The following PCDH11X variants were observed in gnomAD, a reference collection of about 807,000 sequenced individuals.
The protein encoded by PCDH11X is protocadherin-11 X-linked.
In PCDH11X, 18 loss-of-function variants were observed where a neutral mutation model predicts 53.3. The observed-to-expected ratio is 0.34, with a 90% CI of 0.23 to 0.50. The LOEUF (loss-of-function observed/expected upper bound fraction) is 0.50. Among genes scored for constraint, PCDH11X ranks in the 20% least tolerant of loss-of-function variants. PCDH11X has a pLI of 0.98. For synonymous variants in PCDH11X, 279 were observed against 393.3 expected (o/e 0.71, Z 3.44); for missense variants, 570 against 1,032.4 (o/e 0.55, Z 6.14).
At chrX:92,209,293 T>G (rs2148333325) in intron 7 of PCDH11X, among the ~76,000 whole-genome samples, 1 of 111,870 alleles carries the variant, frequency 8.9e-6, no homozygotes, top group South Asian at 3.7e-4. Context: ...TTCTGACTAT[T>G]AATCCGTAAA....
intron 10 of PCDH11X, among the ~76,000 whole-genome samples, chrX:92,615,159 C>T (rs774290298): frequency 9.0e-6 from 1 of 111,361 alleles, no homozygotes; most frequent in East Asian, 2.9e-4. Context: ...ACCATCTATG[C>T]ACAGAAATAG....
intron 8 of PCDH11X, among the ~76,000 whole-genome samples, chrX:92,347,743 G>C (rs2069936166): frequency 9.0e-6 from 1 of 111,489 alleles, no homozygotes; most frequent in African/African-American, 3.3e-5. Context: ...TTGGAGCAAA[G>C]TACATTTAAA....
intron 6 of PCDH11X, among the ~76,000 whole-genome samples, chrX:91,966,273 C>T (rs1001648824): frequency 2.7e-5 from 3 of 110,803 alleles, no homozygotes; most frequent in African/African-American, 9.9e-5. Context: ...CCAAAAACAA[C>T]TGTCTATGGG....
At chrX:92,441,518 A>G (rs2072515073) in intron 9 of PCDH11X, among the ~76,000 whole-genome samples, 1 of 112,186 alleles carries the variant, frequency 8.9e-6, no homozygotes, top group South Asian at 3.7e-4. Context: ...GGGCCAAGGT[A>G]GAGTTTGGGC....
chrX:92,061,274 G>A (rs74874643), intron 6 of PCDH11X, among the ~76,000 whole-genome samples: 34 of 111,699 alleles, frequency 3.0e-4, no homozygotes, highest in African/African-American at 1.0e-3. Context: ...CTCCCATACT[G>A]TAGGTTGTCT....
intron 6 of PCDH11X, among the ~76,000 whole-genome samples, chrX:92,151,262 G>A (rs1420327591): frequency 9.1e-6 from 1 of 110,056 alleles, no homozygotes; most frequent in Non-Finnish European, 1.9e-5. Context: ...GCGCCATCTC[G>A]GCTCACTGCA....
intron 6 of PCDH11X, among the ~76,000 whole-genome samples, chrX:92,027,468 GC>G (rs1479689553): frequency 9.0e-6 from 1 of 111,112 alleles, no homozygotes; most frequent in Admixed American, 9.6e-5. Context: ...CAGTTAAATA[GC>G]CCTAGGGTCC....
intron 6 of PCDH11X, among the ~76,000 whole-genome samples, chrX:92,036,393 G>T (rs1404012991): frequency 4.6e-5 from 5 of 108,298 alleles, no homozygotes; most frequent in Non-Finnish European, 7.6e-5. Flanking sequence ...CGCGGTGGGA[G>T]GTGATTGAAT....
chrX:91,815,920 G>T (rs865955889), intron 4 of PCDH11X, among the ~76,000 whole-genome samples: 1 of 110,202 alleles, frequency 9.1e-6, no homozygotes, highest in Non-Finnish European at 1.9e-5. Flanking sequence ...CTGAGGTCAG[G>T]AGTTTGAGAC....
At chrX:92,019,007 A>T (rs2062841658) in intron 6 of PCDH11X, among the ~76,000 whole-genome samples, 1 of 111,800 alleles carries the variant, frequency 8.9e-6, no homozygotes, top group Non-Finnish European at 1.9e-5. Flanking sequence ...CTCAATAAAC[A>T]CAACCAGGTG....
At chrX:91,856,396 A>G (rs1336969562) in intron 5 of PCDH11X, among the ~76,000 whole-genome samples, 2 of 108,204 alleles carry the variant, frequency 1.8e-5, no homozygotes, top group Admixed American at 1.0e-4. Context: ...TTGGTTTGCT[A>G]GTATTTTTGT....
chrX:92,479,866 G>A (rs1365223917), intron 10 of PCDH11X, among the ~76,000 whole-genome samples: 1 of 110,299 alleles, frequency 9.1e-6, no homozygotes, highest in Non-Finnish European at 1.9e-5. Context: ...GAGGTTCTCT[G>A]AATTTCCTGA....
At chrX:92,570,829 T>G (rs113153029) in intron 10 of PCDH11X, among the ~76,000 whole-genome samples, 3,819 of 106,058 alleles carry the variant, frequency 0.036, 181 homozygotes, top group African/African-American at 0.13. Flanking sequence ...TTCTGCTAAC[T>G]TGAGCTTGAA....
At chrX:92,266,156 T>C (rs2067825683) in intron 8 of PCDH11X, among the ~76,000 whole-genome samples, 1 of 112,027 alleles carries the variant, frequency 8.9e-6, no homozygotes, top group Non-Finnish European at 1.9e-5. Context: ...AAACTTTAAA[T>C]ATATTAAGTG....
chrX:92,574,525 C>T (rs1922586573), intron 10 of PCDH11X, among the ~76,000 whole-genome samples: 1 of 108,967 alleles, frequency 9.2e-6, no homozygotes, highest in Non-Finnish European at 1.9e-5. Flanking sequence ...ATATATCTCC[C>T]AATACATGAA....
chrX:92,100,622 G>A (rs1459237769), intron 6 of PCDH11X, among the ~76,000 whole-genome samples: 5 of 111,202 alleles, frequency 4.5e-5, no homozygotes, highest in African/African-American at 1.3e-4. Flanking sequence ...AGTTACTTCC[G>A]GCCATCTGGT....
chrX:92,256,714 A>C (rs1164438978), intron 7 of PCDH11X, among the ~76,000 whole-genome samples: 2 of 107,548 alleles, frequency 1.9e-5, no homozygotes, highest in South Asian at 4.1e-4. Context: ...TCCTCCTCCC[A>C]CCCCCAACCC....
chrX:92,621,729 T>A lies in PCDH11X; in HGVS notation c.*2789T>A, dbSNP rs1928516478. ...TGACACAGCACACAAGTGGCTATTG[T>A]GATGTATGATGTATGTAGTCCTACA... On this transcript the variant is annotated 3_prime_UTR_variant, in exon 11 of 11. Transcript: ENST00000682573. 1 of 111,746 alleles carries A rather than the reference T, an allele frequency of 8.9e-6. No homozygotes were observed. The highest frequency in any genetic ancestry group is 3.7e-4 in the South Asian group (1 of 2,697). 9.2% of individuals were successfully genotyped at this position (111,746 alleles called of 1,213,427 possible).
intron 9 of PCDH11X, among the ~76,000 whole-genome samples, chrX:92,447,875 C>G (rs2072690558): frequency 8.9e-6 from 1 of 112,334 alleles, no homozygotes. Context: ...GGTGGAGCTG[C>G]TGAAGATCAT....
Sources: gnomAD v4.1 joint callset for allele counts (sites outside exome capture counted in the v4.1 genomes callset) on GRCh38, gnomAD v4.1.1 for gene constraint, MANE v1.5 for transcripts, NCBI Gene and HGNC (gene_info 2026-07-23, HGNC 2026-07-21) for gene names.